ARHGAP10: variants seen among roughly 807,000 people sequenced by gnomAD.
The protein encoded by ARHGAP10 is Rho GTPase activating protein 10.
Under a neutral mutation model 108.6 loss-of-function variants are expected in ARHGAP10, and 87 were observed. The observed-to-expected ratio is 0.80, with a 90% CI of 0.67 to 0.96. ARHGAP10 has a LOEUF of 0.96. Ranked by LOEUF, ARHGAP10 falls within the 40% of genes least tolerant of loss-of-function variation. The pLI is 0.00. For synonymous variants in ARHGAP10, 347 were observed against 341.1 expected, an observed-to-expected ratio of 1.02 and a Z score of -0.19; for missense variants, 939 against 954.5, an observed-to-expected ratio of 0.98 and a Z score of 0.21.
intron 14 of ARHGAP10, 88 bp from the exon 15 acceptor site, chr4:147,946,529 T>C (rs1181656379): frequency 9.1e-7 from 1 of 1,099,234 alleles, no homozygotes; most frequent in Non-Finnish European, 1.3e-6. Context: ...GGTTTGCCCA[T>C]TTAAAAATGG....
At position 147,769,573 on chromosome 4, in the gene ARHGAP10, A is replaced by G. The variant is rs543567412; in HGVS notation, c.154+37118A>G. 7.9e-5 allele frequency among the ~76,000 whole-genome samples: 12 copies of G among 152,328 alleles called. No individual in the cohort carries two copies. In the South Asian group the frequency reaches 2.5e-3, roughly 32 times the overall value. ...GTATGTTAACAAGTTCTTTCTACAGAGATGATTAATACTTACGGTGATCAC... is the reference window on the plus strand; with the variant it reads ...GTATGTTAACAAGTTCTTTCTACAGGGATGATTAATACTTACGGTGATCAC... On this transcript the variant is annotated intron_variant, in intron 1 of 22. Transcript: ENST00000336498.
At chr4:147,988,936 G>A (rs560783318) in intron 18 of ARHGAP10, among the ~76,000 whole-genome samples, 44 of 152,292 alleles carry the variant, frequency 2.9e-4, no homozygotes, top group African/African-American at 9.4e-4. Flanking sequence ...ACCAAAAGAC[G>A]TTCTACTTAA....
At chr4:148,058,564 C>T (rs545395789) in intron 20 of ARHGAP10, among the ~76,000 whole-genome samples, 5 of 152,114 alleles carry the variant, frequency 3.3e-5, no homozygotes, top group South Asian at 2.1e-4. Flanking sequence ...CAACTGGTGT[C>T]GAGTTTTAAC....
At chr4:147,845,588 C>A (rs1733599146) in intron 3 of ARHGAP10, among the ~76,000 whole-genome samples, 2 of 152,240 alleles carry the variant, frequency 1.3e-5, no homozygotes. Context: ...TTCCTATCTT[C>A]TGTGAACTTG....
At chr4:147,960,757 T>C (rs1466365878) in intron 16 of ARHGAP10, among the ~76,000 whole-genome samples, 2 of 152,216 alleles carry the variant, frequency 1.3e-5, no homozygotes, top group Non-Finnish European at 2.9e-5. Context: ...TCCACTCCCA[T>C]GAAGTGTGAT....
intron 10 of ARHGAP10, among the ~76,000 whole-genome samples, chr4:147,900,690 C>T (rs933557399): frequency 3.9e-5 from 6 of 152,156 alleles, no homozygotes; most frequent in Non-Finnish European, 7.4e-5. Flanking sequence ...AACCCCCAGT[C>T]GGAACTTTCT....
chr4:148,046,753 A>G (rs765972440), intron 19 of ARHGAP10, 139 bp from the exon 20 acceptor site: 18 of 732,464 alleles, frequency 2.5e-5, no homozygotes, highest in Middle Eastern at 3.9e-4. Flanking sequence ...TAAAGACAGG[A>G]CACCCAGATA....
intron 7 of ARHGAP10, 83 bp from the exon 8 acceptor site, chr4:147,874,938 C>T: frequency 7.5e-7 from 1 of 1,337,458 alleles, no homozygotes; most frequent in Non-Finnish European, 9.8e-7. Context: ...AATGTAATTA[C>T]ATTTATGCAG....
chr4:148,056,871 T>C lies in ARHGAP10; in HGVS notation c.2028-6277T>C, dbSNP rs1227895968. Among the ~76,000 whole-genome samples, 4 of 152,248 alleles carry C rather than the reference T, an allele frequency of 2.6e-5. No individual in the cohort carries two copies. In the East Asian group the frequency reaches 7.7e-4, roughly 29 times the overall value. On this transcript the variant is annotated intron_variant, in intron 20 of 22. Transcript: ENST00000336498. ...AACCCTAGAAATCAGAGGTAAGATCTGACCTAGAAATATGTAATAGTAGTG... is the reference window on the plus strand; with the variant it reads ...AACCCTAGAAATCAGAGGTAAGATCCGACCTAGAAATATGTAATAGTAGTG...
At chr4:147,830,469 C>T (rs1361595201) in intron 3 of ARHGAP10, among the ~76,000 whole-genome samples, 16 of 147,044 alleles carry the variant, frequency 1.1e-4, no homozygotes, top group Admixed American at 6.7e-4. Flanking sequence ...AAAGTAATTG[C>T]GGTTTTTGCC....
intron 18 of ARHGAP10, among the ~76,000 whole-genome samples, chr4:147,990,757 G>T (rs573224245): frequency 2.6e-5 from 4 of 152,124 alleles, no homozygotes; most frequent in Non-Finnish European, 5.9e-5. Flanking sequence ...AACAACAGAC[G>T]CCGAGGTCTA....
intron 1 of ARHGAP10, among the ~76,000 whole-genome samples, chr4:147,821,053 G>GGGCT (rs1327471371): frequency 2.0e-5 from 3 of 152,122 alleles, no homozygotes; most frequent in Admixed American, 1.3e-4. Flanking sequence ...TGCATGTACA[G>GGGCT]GGCTGGCTGG....
chr4:147,897,684 T>C lies in ARHGAP10; in HGVS notation c.1035-8954T>C, dbSNP rs555346942. Among the ~76,000 whole-genome samples the C allele has an allele frequency of 7.1e-4, 108 of 152,334 alleles. No homozygotes were observed. The Middle Eastern group carries it at 0.02, about 29-fold the overall frequency. ...CTCTTGTTACTATATATTCTAATTC[T>C]ACATACACTATGAATGTGGGAATTA... On this transcript the variant is annotated intron_variant, in intron 10 of 22. Transcript: ENST00000336498.
chr4:147,920,600 A>G (rs1737197393), intron 13 of ARHGAP10, among the ~76,000 whole-genome samples: 1 of 151,964 alleles, frequency 6.6e-6, no homozygotes, highest in Non-Finnish European at 1.5e-5. Flanking sequence ...ATGCATAGTC[A>G]TGCTCTAGGC....
intron 10 of ARHGAP10, among the ~76,000 whole-genome samples, chr4:147,902,873 G>A (rs1290809313): frequency 7.3e-6 from 1 of 137,022 alleles, no homozygotes; most frequent in African/African-American, 2.7e-5. Context: ...AAGCCAGTAT[G>A]TCTTACATGG....
chr4:147,925,307 C>G (rs1414067054), intron 13 of ARHGAP10, among the ~76,000 whole-genome samples: 2 of 152,182 alleles, frequency 1.3e-5, no homozygotes, highest in African/African-American at 4.8e-5. Context: ...GGTGGAGAGG[C>G]AGAGGGCAGC....
In ARHGAP10 at chr4:147,844,945, C is replaced by G. The variant is rs1021987178; in HGVS notation, c.313-2206C>G. Reference sequence around the variant, plus strand: ...CCTCCTGTGGCTTTCCACTGTACCCCCAATAAAATGCTAACCTTTCCCAGA... The same window carrying G: ...CCTCCTGTGGCTTTCCACTGTACCCGCAATAAAATGCTAACCTTTCCCAGA... On this transcript the variant is annotated intron_variant, in intron 3 of 22. Coordinates refer to ENST00000336498, the MANE Select transcript of ARHGAP10 (RefSeq NM_024605.4). Among the ~76,000 whole-genome samples, 11 of 152,166 alleles carry G rather than the reference C, an allele frequency of 7.2e-5. 1 individual carries two copies. Among genetic ancestry groups the G allele is most frequent in the South Asian group, 2.1e-4 (1 of 4,818 alleles).
At chr4:147,882,318 C>T (rs1279460665) in intron 10 of ARHGAP10, among the ~76,000 whole-genome samples, 1 of 152,018 alleles carries the variant, frequency 6.6e-6, no homozygotes, top group Non-Finnish European at 1.5e-5. Flanking sequence ...AAAAAATTAG[C>T]CAGGCGTGGT....
intron 11 of ARHGAP10, among the ~76,000 whole-genome samples, chr4:147,909,143 A>G (rs1736629604): frequency 6.6e-6 from 1 of 152,224 alleles, no homozygotes; most frequent in Non-Finnish European, 1.5e-5. Context: ...AGATTAGCTC[A>G]CAGAACTGAG....
Sources: allele counts gnomAD v4.1 joint callset (sites outside exome capture counted in the v4.1 genomes callset), GRCh38; gene constraint gnomAD v4.1.1; transcripts MANE v1.5; gene names NCBI Gene and HGNC (gene_info 2026-07-23, HGNC 2026-07-21).